Variants in CDH23 observed in about 807,000 individuals in gnomAD.
CDH23 encodes cadherin-23.
Under a neutral mutation model 317.1 loss-of-function variants are expected in CDH23, and 189 were observed. That is an observed-to-expected ratio of 0.60 (90% CI 0.53 to 0.67). The LOEUF is 0.67. Ranked by LOEUF, CDH23 falls within the 30% of genes least tolerant of loss-of-function variation. The pLI is 0.00. For missense variants in CDH23, 4,401 were observed against 4,592.4 expected (o/e 0.96, Z 1.20); for synonymous variants, 1,839 against 1,876.8 (o/e 0.98, Z 0.52).
chr10:71,515,515 C>T (rs1477000366), intron 6 of CDH23, among the ~76,000 whole-genome samples: 1 of 149,918 alleles, frequency 6.7e-6, no homozygotes, highest in Non-Finnish European at 1.5e-5. Flanking sequence ...CTACCATGTT[C>T]GGATCTGCCC....
At position 71,815,315 on chromosome 10, in the gene CDH23, ATCCACCG is replaced by A; in HGVS notation, c.*41_*47del. On this transcript the variant is annotated 3_prime_UTR_variant, in exon 70 of 70. Coordinates refer to ENST00000224721, the MANE Select transcript of CDH23 (RefSeq NM_022124.6). The stretch of plus-strand genomic sequence containing the variant: ...AGCCTTGTGGGTGTGAGCAGCACCC[ATCCACCG>A]TCCCCTCCCAGGGAGCAAGGGCAGG... The A allele has an allele frequency of 6.6e-7, 1 of 1,505,580 alleles. No individual in the cohort carries two copies. Among genetic ancestry groups the A allele is most frequent in the Non-Finnish European group, 8.9e-7 (1 of 1,120,812 alleles). The allele number at this position is 1,505,580 out of a possible 1,614,324, so 93.3% of individuals were successfully genotyped here. A position where few individuals can be genotyped will look rare whatever the true frequency, so the allele number is the denominator to read the frequency against.
rs925004886 is a variant in CDH23 at position 71,614,872 on chromosome 10, A to T, written c.833-632A>T. Among the ~76,000 whole-genome samples the T allele has an allele frequency of 4.6e-5, 7 of 152,238 alleles. No homozygotes were observed. The South Asian group carries it at 1.4e-3, about 32-fold the overall frequency. On this transcript the variant is annotated intron_variant, in intron 9 of 69. Coordinates refer to ENST00000224721, the MANE Select transcript of CDH23 (RefSeq NM_022124.6). ...GGGAGAGGGGTGGGTTTACAGAGACATCGGTTTGAGGCAAGTGTGGCTCAT... is the reference window on the plus strand; with the variant it reads ...GGGAGAGGGGTGGGTTTACAGAGACTTCGGTTTGAGGCAAGTGTGGCTCAT...
chr10:71,676,488 G>A lies in CDH23; in HGVS notation c.1515-968G>A, dbSNP rs188221667. On this transcript the variant is annotated intron_variant, in intron 15 of 69. Transcript: ENST00000224721. ...CTAAAAATACAAAAATTAGCCGGGC[G>A]TGGTGGCAGGCGCCTGTAGTCCCAG... Among the ~76,000 whole-genome samples, 111 of 151,742 alleles carry A rather than the reference G, an allele frequency of 7.3e-4. 1 individual carries two copies. The highest frequency in any genetic ancestry group is 2.7e-3 in the African/African-American group (110 of 41,334).
chr10:71,790,194 C>T, intron 45 of CDH23, 94 bp from the exon 46 acceptor site: 1 of 1,512,420 alleles, frequency 6.6e-7, no homozygotes, highest in Non-Finnish European at 8.9e-7. Flanking sequence ...CCCTCTCATC[C>T]ATCGTCAGCC....
At chr10:71,551,633 C>T (rs1034363788) in intron 6 of CDH23, among the ~76,000 whole-genome samples, 4 of 152,100 alleles carry the variant, frequency 2.6e-5, no homozygotes, top group Non-Finnish European at 4.4e-5. Context: ...GCAGGGAGCA[C>T]CCAGGATTCT....
At chr10:71,642,038 G>C (rs576729080) in intron 11 of CDH23, among the ~76,000 whole-genome samples, 1 of 152,302 alleles carries the variant, frequency 6.6e-6, no homozygotes, top group South Asian at 2.1e-4. Flanking sequence ...AGAGGTTGCA[G>C]TGAGCCAAGA....
chr10:71,700,016 G>T (rs1469453338), intron 22 of CDH23, among the ~76,000 whole-genome samples: 1 of 152,180 alleles, frequency 6.6e-6, no homozygotes, highest in East Asian at 1.9e-4. Flanking sequence ...TCAGCAACAG[G>T]CCTGGCCTGG....
intron 6 of CDH23, among the ~76,000 whole-genome samples, chr10:71,544,219 G>T (rs1405287786): frequency 2.0e-5 from 3 of 152,236 alleles, no homozygotes; most frequent in Admixed American, 2.0e-4. Flanking sequence ...TGCAGGAGAG[G>T]TGGACGGGAG....
In CDH23 at chr10:71,812,601, C is replaced by T. The variant is rs377655014; in HGVS notation, c.9502C>T (p.Arg3168Cys). Residue 3168 changes from arginine to cysteine, a missense_variant, in exon 67 of 70, where the codon CGC becomes TGC. Coordinates refer to ENST00000224721, the MANE Select transcript of CDH23 (RefSeq NM_022124.6). ...EIADLWNSPT[R>C]THGTFGREPA... ...CGCCGACCTGTGGAACAGCCCCACG[C>T]GCACCCATGTGAGCCAGAGGCGGTC... 5.1e-5 allele frequency: 82 copies of T among 1,613,824 alleles called. No individual in the cohort carries two copies. The highest frequency in any genetic ancestry group is 1.0e-4 in the Admixed American group (6 of 60,008).
Position 71,815,186 on chromosome 10 carries a change from C to G in CDH23, c.9973C>G (p.Arg3325Gly), listed in dbSNP as rs766510687. The change falls in exon 70 of 70, where the codon CGC becomes GGC. Residue 3325 changes from arginine to glycine, a missense_variant. Coordinates refer to ENST00000224721, the MANE Select transcript of CDH23 (RefSeq NM_022124.6). ...LTAAEATAFE[R>G]NARTESAKST... ...CGCTGCCGAGGCCACTGCCTTCGAG[C>G]GCAACGCCCGCACAGAATCCGCCAA... 3.0e-5 allele frequency: 48 copies of G among 1,610,294 alleles called. No individual in the cohort carries two copies. The highest frequency in any genetic ancestry group is 3.9e-5 in the Non-Finnish European group (46 of 1,178,092).
In CDH23 at chr10:71,811,567, C is replaced by G. The variant is rs926681550; in HGVS notation, c.9255C>G (p.Leu3085=). The change falls in exon 64 of 70, where the codon CTC becomes CTG. Residue 3085 remains leucine, a synonymous_variant. Transcript: ENST00000224721. ...LLFLAAMLFV[L]MNWYYRTVHK... Reference sequence around the variant, plus strand: ...TCCTGGCCGCCATGCTCTTTGTCCTCATGAACTGGTACTACAGGACTGTGT... The same window carrying G: ...TCCTGGCCGCCATGCTCTTTGTCCTGATGAACTGGTACTACAGGACTGTGT... The G allele has an allele frequency of 4.3e-6, 7 of 1,613,960 alleles. No homozygotes were observed. Among genetic ancestry groups the G allele is most frequent in the Middle Eastern group, 3.3e-4 (2 of 6,062 alleles).
intron 3 of CDH23, among the ~76,000 whole-genome samples, chr10:71,485,012 G>A (rs949276400): frequency 1.4e-5 from 2 of 143,890 alleles, no homozygotes; most frequent in East Asian, 2.1e-4. Flanking sequence ...CTTTCTTTTC[G>A]TTTCTTTTTT....
chr10:71,465,992 C>T (rs1470256290), intron 3 of CDH23, among the ~76,000 whole-genome samples: 6 of 152,294 alleles, frequency 3.9e-5, no homozygotes, highest in Admixed American at 6.5e-5. Flanking sequence ...TGCGTCACCC[C>T]GGCCTGTGCT....
rs200685398 is a variant in CDH23, at chr10:71,446,283, G to T, written c.68-35G>T. ...ATAGAGTGTGTAAAGCTGATGGGGG[G>T]TACTTGGCTGACGCTCTTGTCCTCT... On this transcript the variant is annotated intron_variant, in intron 2 of 69. Transcript: ENST00000224721. 110 of 1,597,960 alleles carry T rather than the reference G, an allele frequency of 6.9e-5. No individual in the cohort carries two copies. In the East Asian group the frequency reaches 1.4e-3, roughly 20 times the overall value.
At chr10:71,494,184 A>T (rs888214740) in intron 3 of CDH23, among the ~76,000 whole-genome samples, 1 of 152,202 alleles carries the variant, frequency 6.6e-6, no homozygotes, top group African/African-American at 2.4e-5. Flanking sequence ...AACTGTGTGT[A>T]AAGTACAAGT....
At chr10:71,435,186 G>T (rs1849562924) in intron 1 of CDH23, among the ~76,000 whole-genome samples, 1 of 152,198 alleles carries the variant, frequency 6.6e-6, no homozygotes, top group African/African-American at 2.4e-5. Flanking sequence ...TGAGCAAGTT[G>T]TTTAGCCTCT....
rs1255837456 is a variant in CDH23 at position 71,815,915 on chromosome 10, G to A, written c.*637G>A. Reference sequence around the variant, plus strand: ...GGTTTTGAATGTGGAGTGTTTGTGTGTGTTCCTTTTTTAAATTAAGTTATT... The same window carrying A: ...GGTTTTGAATGTGGAGTGTTTGTGTATGTTCCTTTTTTAAATTAAGTTATT... On this transcript the variant is annotated 3_prime_UTR_variant, in exon 70 of 70. Transcript: ENST00000224721. 3 of 159,974 alleles carry A rather than the reference G, an allele frequency of 1.9e-5. No individual in the cohort carries two copies. The highest frequency in any genetic ancestry group is 5.9e-5 in the Admixed American group (1 of 16,962). 9.9% of individuals were successfully genotyped at this position (159,974 alleles called of 1,614,324 possible).
chr10:71,800,723 G>A lies in CDH23; in HGVS notation c.7450G>A (p.Val2484Ile), dbSNP rs772280501. 47 of 1,613,898 alleles carry A rather than the reference G, an allele frequency of 2.9e-5. No individual in the cohort carries two copies. The highest frequency in any genetic ancestry group is 3.7e-5 in the Non-Finnish European group (44 of 1,179,908). The part of the protein sequence containing the change: ...TALAKDNPGD[V>I]ASNRRENSVQ... ...CTTGGCCAAAGACAACCCTGGGGAT[G>A]TAGCCAGCAACCGTCGCGAAAATTC... The change falls in exon 53 of 70, where the codon GTA becomes ATA. Residue 2484 changes from valine to isoleucine, a missense_variant. Val to Ile is a conservative substitution (Grantham distance 29). Coordinates refer to ENST00000224721, the MANE Select transcript of CDH23 (RefSeq NM_022124.6).
chr10:71,633,897 G>A (rs1342027472), intron 11 of CDH23, among the ~76,000 whole-genome samples: 3 of 152,202 alleles, frequency 2.0e-5, no homozygotes, highest in Non-Finnish European at 2.9e-5. Flanking sequence ...ATCACTCTTG[G>A]AGGAGAGGCA....
Sources: allele counts gnomAD v4.1 joint callset (sites outside exome capture counted in the v4.1 genomes callset), GRCh38; gene constraint gnomAD v4.1.1; transcripts MANE v1.5; gene names NCBI Gene and HGNC (gene_info 2026-07-23, HGNC 2026-07-21).